NCAM2: variants seen among roughly 807,000 people sequenced by gnomAD.
The protein encoded by NCAM2 is neural cell adhesion molecule 2.
Under a neutral mutation model 98.1 loss-of-function variants are expected in NCAM2, and 30 were observed. The observed-to-expected ratio is 0.31, with a 90% CI of 0.23 to 0.41. The LOEUF (loss-of-function observed/expected upper bound fraction) is 0.41. NCAM2 is among the 10% of genes least tolerant of loss of function. NCAM2 has a pLI of 1.00. For synonymous variants in NCAM2, 368 were observed against 342.4 expected (o/e 1.07, Z -0.83); for missense variants, 867 against 1,005.8 (o/e 0.86, Z 1.87).
At chr21:21,095,484 C>CT (rs201086534) in intron 1 of NCAM2, among the ~76,000 whole-genome samples, 1 of 138,746 alleles carries the variant, frequency 7.2e-6, no homozygotes, top group Non-Finnish European at 1.5e-5. Context: ...ATAATTTTAC[C>CT]TTTTTAAAAA....
rs1456204149 is a variant in NCAM2 at position 21,502,060 on chromosome 21, C to A, written c.2078-6791C>A. The stretch of plus-strand genomic sequence containing the variant: ...AAAGTATTTTGCGAGAAAAATTTTG[C>A]CTAGTTGTTTTGCTTGACTATATTA... On this transcript the variant is annotated intron_variant, in intron 15 of 17. Coordinates refer to ENST00000400546, the MANE Select transcript of NCAM2 (RefSeq NM_004540.5). 4.6e-5 allele frequency among the ~76,000 whole-genome samples: 7 copies of A among 151,894 alleles called. No individual in the cohort carries two copies. In the South Asian group the frequency reaches 1.0e-3, roughly 22 times the overall value.
chr21:21,392,373 C>T (rs1037342962), intron 9 of NCAM2, among the ~76,000 whole-genome samples: 4 of 152,184 alleles, frequency 2.6e-5, no homozygotes, highest in Non-Finnish European at 5.9e-5. Flanking sequence ...TAGGTTGAAT[C>T]CATGTCTTTG....
At chr21:21,436,848 G>GCCTGC (rs1978416869) in intron 12 of NCAM2, among the ~76,000 whole-genome samples, 1 of 150,540 alleles carries the variant, frequency 6.6e-6, no homozygotes, top group Non-Finnish European at 1.5e-5. Context: ...TGCAACCTCC[G>GCCTGC]CCTGCCGGGT....
intron 1 of NCAM2, among the ~76,000 whole-genome samples, chr21:21,191,760 A>T (rs995353428): frequency 6.6e-6 from 1 of 152,212 alleles, no homozygotes; most frequent in African/African-American, 2.4e-5. Context: ...TGCAGCAGGA[A>T]ATAAAGCCAG....
At chr21:21,479,608 A>AAT (rs1491473437) in intron 15 of NCAM2, among the ~76,000 whole-genome samples, 12 of 127,916 alleles carry the variant, frequency 9.4e-5, no homozygotes, top group African/African-American at 3.3e-4. Flanking sequence ...AAAAAAAAAA[A>AAT]TTGTTGATGA....
intron 1 of NCAM2, among the ~76,000 whole-genome samples, chr21:21,265,136 T>TAC (rs1601810767): frequency 1.7e-5 from 2 of 118,252 alleles, no homozygotes; most frequent in East Asian, 5.1e-4. Flanking sequence ...TATATATACA[T>TAC]ATATAATATA....
intron 11 of NCAM2, among the ~76,000 whole-genome samples, chr21:21,420,960 C>T (rs1235705568): frequency 2.6e-5 from 4 of 151,606 alleles, no homozygotes; most frequent in Non-Finnish European, 5.9e-5. Context: ...TAATTCCAAG[C>T]CTTTGGAAAT....
chr21:21,065,174 T>C (rs947303807), intron 1 of NCAM2, among the ~76,000 whole-genome samples: 3 of 151,168 alleles, frequency 2.0e-5, no homozygotes, highest in Non-Finnish European at 2.9e-5. Context: ...AGTAAGACTC[T>C]CTCTCAAAAA....
chr21:21,130,783 CA>C (rs2066917450), intron 1 of NCAM2, among the ~76,000 whole-genome samples: 1 of 151,782 alleles, frequency 6.6e-6, no homozygotes, highest in African/African-American at 2.4e-5. Flanking sequence ...AAATAAAAAC[CA>C]GTTGAAAATA....
chr21:21,332,028 A>C lies in NCAM2; in HGVS notation c.738-3477A>C, dbSNP rs376226303. On this transcript the variant is annotated intron_variant, in intron 6 of 17. Coordinates refer to ENST00000400546, the MANE Select transcript of NCAM2 (RefSeq NM_004540.5). ...AGTGATTCTCTTGCTTCAACCTCCC[A>C]AGTAGCTGCGACTACAGGCGCCCAC... Among the ~76,000 whole-genome samples the C allele has an allele frequency of 4.6e-5, 7 of 151,884 alleles. No individual in the cohort carries two copies. In the East Asian group the frequency reaches 9.8e-4, roughly 21 times the overall value.
chr21:21,374,299 T>C (rs1199199671), intron 9 of NCAM2, among the ~76,000 whole-genome samples: 1 of 151,882 alleles, frequency 6.6e-6, no homozygotes, highest in East Asian at 1.9e-4. Context: ...CTGAAAAATA[T>C]TAATTATCAG....
Position 21,170,831 on chromosome 21 carries a change from T to C in NCAM2, c.56-109747T>C, listed in dbSNP as rs189918888. The stretch of plus-strand genomic sequence containing the variant: ...GCATCACTGTGGCATAGGGTGTTCC[T>C]AGAGGGGGGAAGGCTGTGCTTGGTG... On this transcript the variant is annotated intron_variant, in intron 1 of 17. Transcript: ENST00000400546. Among the ~76,000 whole-genome samples the C allele has an allele frequency of 6.3e-4, 82 of 129,268 alleles. 1 individual carries two copies. In the East Asian group the frequency reaches 0.017, roughly 28 times the overall value. 84.8% of individuals were successfully genotyped at this position (129,268 alleles called of 152,430 possible).
chr21:21,006,073 C>T (rs1266810346), intron 1 of NCAM2, among the ~76,000 whole-genome samples: 2 of 152,168 alleles, frequency 1.3e-5, no homozygotes, highest in Admixed American at 1.3e-4. Context: ...TAGGCTGACG[C>T]TCACATTTAT....
At position 21,094,759 on chromosome 21, in the gene NCAM2, C is replaced by T. The variant is rs189938649; in HGVS notation, c.55+96141C>T. Among the ~76,000 whole-genome samples, 32 of 151,596 alleles carry T rather than the reference C, an allele frequency of 2.1e-4. No individual in the cohort carries two copies. The East Asian group carries it at 4.5e-3, about 21-fold the overall frequency. On this transcript the variant is annotated intron_variant, in intron 1 of 17. Coordinates refer to ENST00000400546, the MANE Select transcript of NCAM2 (RefSeq NM_004540.5). ...TGACATTATAGGAAGGCTTACATAA[C>T]GATGTAAGTGGGTCATATTTAAAGA...
intron 1 of NCAM2, among the ~76,000 whole-genome samples, chr21:21,038,151 C>A (rs1220719727): frequency 1.3e-5 from 2 of 152,046 alleles, no homozygotes; most frequent in African/African-American, 4.8e-5. Flanking sequence ...TGTTAACTTA[C>A]CAATTAGCAT....
chr21:21,094,445 A>G (rs2066075583), intron 1 of NCAM2, among the ~76,000 whole-genome samples: 1 of 151,842 alleles, frequency 6.6e-6, no homozygotes, highest in Non-Finnish European at 1.5e-5. Context: ...TTGGTTACCT[A>G]AAAGCTAAAC....
chr21:21,336,428 G>C (rs1256464690), intron 7 of NCAM2, among the ~76,000 whole-genome samples: 6 of 151,082 alleles, frequency 4.0e-5, no homozygotes, highest in Non-Finnish European at 2.9e-5. Context: ...GGTGGGGGGA[G>C]TGGGGAGGGA....
chr21:21,501,310 T>C (rs953144457), intron 15 of NCAM2, among the ~76,000 whole-genome samples: 1 of 151,974 alleles, frequency 6.6e-6, no homozygotes. Flanking sequence ...CTATGTATTA[T>C]CTCAGAATGT....
chr21:21,024,391 G>GA (rs200526081), intron 1 of NCAM2, among the ~76,000 whole-genome samples: 1,804 of 151,998 alleles, frequency 0.012, 30 homozygotes, highest in African/African-American at 0.041. Context: ...CCTGGGGGGG[G>GA]AAAAAACAGA....
Sources: gnomAD v4.1 joint callset for allele counts (sites outside exome capture counted in the v4.1 genomes callset) on GRCh38, gnomAD v4.1.1 for gene constraint, MANE v1.5 for transcripts, NCBI Gene and HGNC (gene_info 2026-07-23, HGNC 2026-07-21) for gene names.